Variants in SEC22B observed in about 807,000 individuals in gnomAD.
SEC22B encodes the protein vesicle-trafficking protein SEC22b.
A neutral mutation model predicts 31.4 loss-of-function variants in SEC22B; 10 were observed. The ratio of observed to expected loss-of-function variants is 0.32; its 90% confidence interval spans 0.20 to 0.54. SEC22B has a LOEUF of 0.54. Among genes scored for constraint, SEC22B ranks in the 20% least tolerant of loss-of-function variants. The pLI is 0.94. For synonymous variants in SEC22B, 60 were observed against 95.9 expected, an observed-to-expected ratio of 0.63 and a Z score of 2.19; for missense variants, 130 against 263.4, an observed-to-expected ratio of 0.49 and a Z score of 3.50.
chr1:120,173,143 ATCAACCC>A (rs1657916722), intron 1 of SEC22B, among the ~76,000 whole-genome samples: 1 of 102,790 alleles, frequency 9.7e-6, no homozygotes, highest in Admixed American at 9.8e-5. Context: ...AAGTGGATTA[ATCAACCC>A]TCAGTGATTG....
chr1:120,159,142 A>T (rs1342147908), intron 4 of SEC22B: 2 of 151,988 alleles, frequency 1.3e-5, no homozygotes, highest in Non-Finnish European at 2.9e-5. Context: ...AAAATTATAT[A>T]AAGGGCTGGG....
rs1339602663 is a variant in SEC22B at position 120,176,451 on chromosome 1, G to T, written c.-70C>A. 2.2e-6 allele frequency: 3 copies of T among 1,375,980 alleles called. No homozygotes were observed. The highest frequency in any genetic ancestry group is 1.4e-5 in the African/African-American group (1 of 70,366). The allele number at this position is 1,375,980 out of a possible 1,614,324, so 85.2% of individuals were successfully genotyped here. ...GCGCCGTCCTCACTTCCTCCGCCGC[G>T]ACAACAGTTATACCCTATGTCTCAG... is the stretch of plus-strand genomic sequence containing the variant. On this transcript the variant is annotated 5_prime_UTR_variant, in exon 1 of 5. Transcript: ENST00000578049.
At chr1:120,168,110 C>T (rs1240789488) in intron 2 of SEC22B, among the ~76,000 whole-genome samples, 1 of 151,894 alleles carries the variant, frequency 6.6e-6, no homozygotes, top group Non-Finnish European at 1.5e-5. Context: ...AGTTATCTTA[C>T]TATCTAAGTC....
rs1181315337 is a variant in SEC22B at position 120,175,299 on chromosome 1, T to C, written c.75+1008A>G. Among the ~76,000 whole-genome samples the C allele has an allele frequency of 4.3e-5, 3 of 70,324 alleles. No individual in the cohort carries two copies. The Admixed American group carries it at 4.9e-4, about 11-fold the overall frequency. The allele number at this position is 70,324 out of a possible 152,430, so 46.1% of individuals were successfully genotyped here. On this transcript the variant is annotated intron_variant, in intron 1 of 4. Transcript: ENST00000578049. ...ACTCTAACTCCCTGCATTAACACTA[T>C]GCCTGGCACATTTGATGTGCTCAGT...
intron 1 of SEC22B, 102 bp downstream of exon 1, chr1:120,176,205 G>T: frequency 9.3e-7 from 1 of 1,079,782 alleles, no homozygotes; most frequent in Non-Finnish European, 1.4e-6. Context: ...GGGAGTGCCC[G>T]GGAAGTCACA....
At position 120,164,519 on chromosome 1, in the gene SEC22B, G is replaced by T. The variant is rs1387108195; in HGVS notation, c.186-1149C>A. 4.6e-5 allele frequency among the ~76,000 whole-genome samples: 7 copies of T among 150,970 alleles called. No individual in the cohort carries two copies. The East Asian group carries it at 1.4e-3, about 29-fold the overall frequency. ...ATAAACTTATAAATGAGAATATACA[G>T]TATTTAGTTTTCTGTTCCTGCATTA... On this transcript the variant is annotated intron_variant, in intron 2 of 4. Transcript: ENST00000578049.
chr1:120,150,948 T>G lies in SEC22B; in HGVS notation c.*6090A>C, dbSNP rs1192176289. ...AGAGGCAGCATTGTTTTATAACAAC[T>G]CACTCTCTTGGGAACTAACCATTCC... On this transcript the variant is annotated 3_prime_UTR_variant, in exon 5 of 5. Transcript: ENST00000578049. The G allele has an allele frequency of 2.0e-5, 3 of 152,266 alleles. No homozygotes were observed. Among genetic ancestry groups the G allele is most frequent in the Non-Finnish European group, 4.4e-5 (3 of 68,016 alleles). The allele number at this position is 152,266 out of a possible 1,614,324, so 9.4% of individuals were successfully genotyped here.
intron 2 of SEC22B, among the ~76,000 whole-genome samples, chr1:120,163,886 G>A (rs1312805369): frequency 2.8e-3 from 412 of 146,980 alleles, no homozygotes; most frequent in Non-Finnish European, 5.0e-3. Flanking sequence ...CCTATTAGCC[G>A]TATATTCTAA....
At chr1:120,160,618 G>C (rs1300532398) in intron 3 of SEC22B, 88 bp from the exon 4 acceptor site, 2 of 1,183,514 alleles carry the variant, frequency 1.7e-6, no homozygotes. Flanking sequence ...GGCCAGGCGC[G>C]GTGGCTCACA....
At position 120,160,619 on chromosome 1, in the gene SEC22B, G is replaced by A. The variant is rs1657699697; in HGVS notation, c.347-89C>T. 10 of 1,176,708 alleles carry A rather than the reference G, an allele frequency of 8.5e-6. No homozygotes were observed. In the Middle Eastern group the frequency reaches 6.3e-4, roughly 74 times the overall value. The allele number at this position is 1,176,708 out of a possible 1,614,324, so 72.9% of individuals were successfully genotyped here. A position where few individuals can be genotyped will look rare whatever the true frequency, so the allele number is the denominator to read the frequency against. ...AAAAGTTCTGAGTTGGCCAGGCGCG[G>A]TGGCTCACACCTGTAATCCCAGCAC... On this transcript the variant is annotated intron_variant, in intron 3 of 4. Transcript: ENST00000578049.
At position 120,160,314 on chromosome 1, in the gene SEC22B, C is replaced by T; in HGVS notation, c.493+70G>A. The T allele has an allele frequency of 7.5e-6, 9 of 1,202,938 alleles. No homozygotes were observed. The South Asian group carries it at 1.3e-4, about 18-fold the overall frequency. 74.5% of individuals were successfully genotyped at this position (1,202,938 alleles called of 1,614,324 possible). A position where few individuals can be genotyped will look rare whatever the true frequency, so the allele number is the denominator to read the frequency against. ...GTAGAATCTAATAGCATAAAAGGCA[C>T]TGCAAAATAAGCTATCCTTGTCTAT... On this transcript the variant is annotated intron_variant, in intron 4 of 4. Transcript: ENST00000578049.
chr1:120,160,141 A>G (rs1657690113), intron 4 of SEC22B, among the ~76,000 whole-genome samples: 1 of 148,498 alleles, frequency 6.7e-6, no homozygotes, highest in Admixed American at 6.7e-5. Flanking sequence ...AATTTTGTGA[A>G]TATCTTAGAA....
intron 1 of SEC22B, among the ~76,000 whole-genome samples, chr1:120,173,031 T>C (rs1333119267): frequency 6.6e-5 from 10 of 151,044 alleles, no homozygotes; most frequent in Non-Finnish European, 1.3e-4. Flanking sequence ...TCTTTATCAT[T>C]TTCATAGCTG....
chr1:120,155,245 T>C lies in SEC22B; in HGVS notation c.*1793A>G, dbSNP rs1413185808. ...ATTTATTTCATTGCTGACCATTAGGTTGCAGCATGCAACTCTCAACAATGA... is the reference window on the plus strand; with the variant it reads ...ATTTATTTCATTGCTGACCATTAGGCTGCAGCATGCAACTCTCAACAATGA... On this transcript the variant is annotated 3_prime_UTR_variant, in exon 5 of 5. Transcript: ENST00000578049. 2 of 151,966 alleles carry C rather than the reference T, an allele frequency of 1.3e-5. No individual in the cohort carries two copies. The highest frequency in any genetic ancestry group is 2.9e-5 in the Non-Finnish European group (2 of 67,924). 9.4% of individuals were successfully genotyped at this position (151,966 alleles called of 1,614,324 possible).
rs1657697341 is a variant in SEC22B at position 120,160,445 on chromosome 1, A to T, written c.432T>A (p.Asp144Glu). ...NLGSINTELQ[D>E]VQRIMVANIE... ...TATTGGCCACCATGATCCTCTGCAC[A>T]TCTTGCAATTCAGTGTTGATGGAGC... is the stretch of plus-strand genomic sequence containing the variant. The change falls in exon 4 of 5, where the codon GAT becomes GAA. Residue 144 changes from aspartate to glutamate, a missense_variant. Asp to Glu is a conservative substitution (Grantham distance 45, BLOSUM62 2). This residue lies in a region of SEC22B where 53 missense variants were observed against 63.3 expected (regional missense o/e 0.84). Transcript: ENST00000578049. The T allele has an allele frequency of 4.2e-5, 67 of 1,612,890 alleles. 3 individuals are homozygous for T. In the South Asian group the frequency reaches 7.4e-4, roughly 18 times the overall value.
intron 4 of SEC22B, chr1:120,157,548 T>C (rs1432657761): frequency 6.3e-6 from 1 of 159,424 alleles, no homozygotes; most frequent in African/African-American, 2.4e-5. Context: ...TAAAGTTGTA[T>C]GTACATGAGA....
chr1:120,175,769 T>C (rs1336547609), intron 1 of SEC22B, among the ~76,000 whole-genome samples: 1 of 152,130 alleles, frequency 6.6e-6, no homozygotes, highest in Admixed American at 6.5e-5. Context: ...ATTGCAGGAA[T>C]GTGGTACGGC....
chr1:120,176,357 G>T lies in SEC22B; in HGVS notation c.25C>A (p.Arg9=), dbSNP rs1657964639. The T allele has an allele frequency of 6.2e-7, 1 of 1,613,490 alleles. No individual in the cohort carries two copies. The highest frequency in any genetic ancestry group is 1.7e-5 in the Admixed American group (1 of 59,988). MVLLTMIA[R]VADGLPLAAS... is the part of the protein sequence containing the mutation. The stretch of plus-strand genomic sequence containing the variant: ...GCCAGCGGGAGCCCGTCCGCCACTC[G>T]GGCGATCATTGTTAGCAACACCATC... Residue 9 remains arginine (R), a synonymous_variant, in exon 1 of 5, where the codon CGA becomes AGA. Coordinates refer to ENST00000578049, the MANE Select transcript of SEC22B (RefSeq NM_004892.6).
chr1:120,170,796 G>A (rs1166152987), intron 1 of SEC22B, among the ~76,000 whole-genome samples: 1 of 148,404 alleles, frequency 6.7e-6, no homozygotes, highest in Non-Finnish European at 1.5e-5. Flanking sequence ...AGTGAATACT[G>A]TCATATGCTT....
Sources: gnomAD v4.1 joint callset for allele counts (sites outside exome capture counted in the v4.1 genomes callset) on GRCh38, gnomAD v4.1.1 for gene constraint, gnomAD v4.1.1 regional missense constraint, MANE v1.5 for transcripts, NCBI Gene and HGNC (gene_info 2026-07-23, HGNC 2026-07-21) for gene names.